The following SLC23A1 variants were observed in gnomAD, a reference collection of about 807,000 sequenced individuals.
SLC23A1 encodes Na(+)/L-ascorbic acid transporter 1.
SLC23A1 carries 31 observed loss-of-function variants against 62.5 expected under a neutral mutation model. The ratio of observed to expected loss-of-function variants is 0.50; its 90% CI spans 0.37 to 0.67. SLC23A1 has a LOEUF of 0.67. Ranked by LOEUF, SLC23A1 falls within the 30% of genes least tolerant of loss-of-function variation. The probability of loss-of-function intolerance (pLI) is 0.00; values close to 1 mark genes in which losing one functional copy is unlikely to be tolerated. For synonymous variants in SLC23A1, 271 were observed against 313.2 expected (o/e 0.87, Z 1.42); for missense variants, 640 against 782.7 (o/e 0.82, Z 2.18).
In SLC23A1 at chr5:139,379,652, A is replaced by G. The variant is rs759529430; in HGVS notation, c.925+26T>C. 8 of 1,589,614 alleles carry G rather than the reference A, an allele frequency of 5.0e-6. No homozygotes were observed. Among genetic ancestry groups the G allele is most frequent in the Non-Finnish European group, 6.9e-6 (8 of 1,165,288 alleles). ...CTCATAGGTGGTCTCAGTTGGGGGC[A>G]GAGGGGCCCAAGGGGTGTTGCTCAC... is the stretch of plus-strand genomic sequence containing the variant. On this transcript the variant is annotated intron_variant, in intron 8 of 14. Coordinates refer to ENST00000348729, the MANE Select transcript of SLC23A1 (RefSeq NM_005847.5). This position sits in a 1 kb window ranked among gnomAD's most constrained non-coding sequence, Gnocchi z 4.7.
In SLC23A1 at chr5:139,378,567, T is replaced by G; in HGVS notation, c.1179+12A>C. 1 of 1,572,544 alleles carries G rather than the reference T, an allele frequency of 6.4e-7. No homozygotes were observed. The highest frequency in any genetic ancestry group is 1.2e-5 in the South Asian group (1 of 85,912). On this transcript the variant is annotated intron_variant, in intron 10 of 14. Transcript: ENST00000348729. This position sits in a 1 kb window ranked among gnomAD's most constrained non-coding sequence, Gnocchi z 4.5. ...AATTAGGGCAGGATTTGGCTCTGGC[T>G]CGTCGCGACACCTTGGTAATTCCCA... is the stretch of plus-strand genomic sequence containing the variant.
rs762763454 is a variant in SLC23A1, at chr5:139,372,193, A to G, written c.1610T>C (p.Met537Thr). The change falls in exon 14 of 15, where the codon ATG becomes ACG. Residue 537 changes from methionine (M) to threonine (T), a missense_variant. By Grantham distance (81) the Met-to-Thr change is moderately conservative. Transcript: ENST00000348729. ...WKAGAHANSDMSSSLKSYDFP... is the reference protein window; with the variant it reads ...WKAGAHANSDTSSSLKSYDFP... Reference sequence around the variant, plus strand: ...ATCGTAGCTCTTGAGGCTGGAAGACATGTCACTGTTGGCATGAGCCCCAGC... The same window carrying G: ...ATCGTAGCTCTTGAGGCTGGAAGACGTGTCACTGTTGGCATGAGCCCCAGC... The G allele has an allele frequency of 2.2e-5, 36 of 1,613,368 alleles. 1 individual carries two copies. The Admixed American group carries it at 3.0e-4, about 13-fold the overall frequency.
At chr5:139,383,319 G>A (rs772627977), upstream of SLC23A1, 3 of 1,593,126 alleles carry the variant, frequency 1.9e-6, no homozygotes, top group African/African-American at 2.7e-5. Flanking sequence ...GGCCAAGGAG[G>A]AGGACTTTAC....
intron 1 of SLC23A1, 122 bp from the exon 2 acceptor site, chr5:139,382,727 C>T: frequency 1.5e-6 from 1 of 665,162 alleles, no homozygotes; most frequent in Non-Finnish European, 2.7e-6. Context: ...GGGTTCCCGC[C>T]CTCCCCAACA....
intron 3 of SLC23A1, among the ~76,000 whole-genome samples, chr5:139,381,153 A>T (rs1758237603): frequency 6.6e-6 from 1 of 152,184 alleles, no homozygotes; most frequent in South Asian, 2.1e-4. Flanking sequence ...ACCTGCCCGG[A>T]AGTGGACACC....
chr5:139,368,979 A>G (rs969896520), intron 14 of SLC23A1: 2 of 496,354 alleles, frequency 4.0e-6, no homozygotes, highest in Non-Finnish European at 7.3e-6. Context: ...AAGCTGTCAA[A>G]CATTTACTGA....
chr5:139,380,712 C>A, intron 4 of SLC23A1, 80 bp from the exon 5 acceptor site: 1 of 1,463,458 alleles, frequency 6.8e-7, no homozygotes, highest in South Asian at 1.1e-5. Context: ...TGGCTGCACC[C>A]TGGTGTTGAC....
Position 139,373,556 on chromosome 5 carries a change from G to C in SLC23A1, c.1550-1303C>G, listed in dbSNP as rs188545700. Among the ~76,000 whole-genome samples, 4 of 151,622 alleles carry C rather than the reference G, an allele frequency of 2.6e-5. No individual in the cohort carries two copies. The East Asian group carries it at 7.7e-4, about 29-fold the overall frequency. On this transcript the variant is annotated intron_variant, in intron 13 of 14. Transcript: ENST00000348729. ...GATCTCAGGTTTTCACAAGAGGGCT[G>C]GGATCGACAAAGACTGAAATACTAT... is the stretch of plus-strand genomic sequence containing the variant.
At chr5:139,372,488 C>T (rs1319238457) in intron 13 of SLC23A1, among the ~76,000 whole-genome samples, 1 of 152,196 alleles carries the variant, frequency 6.6e-6, no homozygotes, top group Non-Finnish European at 1.5e-5. Context: ...GTGTGCCAGG[C>T]TCTGTGCTAA....
At chr5:139,380,729 C>A in intron 4 of SLC23A1, 69 bp downstream of exon 4, 1 of 1,450,420 alleles carries the variant, frequency 6.9e-7, no homozygotes. Context: ...TGACCCGGGA[C>A]AGTTGCTCAG....
upstream of SLC23A1, among the ~76,000 whole-genome samples, chr5:139,383,767 A>G (rs1462123241): frequency 1.3e-5 from 2 of 152,238 alleles, no homozygotes; most frequent in Non-Finnish European, 2.9e-5. Context: ...GGGCGGTATT[A>G]ACCCCTTTAA....
rs1317385108 is a variant in SLC23A1, at chr5:139,367,619, T to C, written c.*32A>G. ...CCCATGTAGTTTTCTTTTCCTGTTA[T>C]ATACCATGCTTCCTGTGGGAATTAG... On this transcript the variant is annotated 3_prime_UTR_variant, in exon 15 of 15. Coordinates refer to ENST00000348729, the MANE Select transcript of SLC23A1 (RefSeq NM_005847.5). 3 of 152,218 alleles carry C rather than the reference T, an allele frequency of 2.0e-5. No homozygotes were observed. The East Asian group carries it at 5.8e-4, about 29-fold the overall frequency. 9.4% of individuals were successfully genotyped at this position (152,218 alleles called of 1,614,324 possible). A position where few individuals can be genotyped will look rare whatever the true frequency, so the allele number is the denominator to read the frequency against.
intron 13 of SLC23A1, among the ~76,000 whole-genome samples, chr5:139,373,493 A>G (rs1248993842): frequency 6.6e-6 from 1 of 152,152 alleles, no homozygotes; most frequent in Non-Finnish European, 1.5e-5. Context: ...AATTTTTACA[A>G]CTAGGAATTC....
intron 1 of SLC23A1, 29 bp downstream of exon 1, chr5:139,383,167 AGCCCCCCACCCCCCCTGCCCCC>A: frequency 4.0e-6 from 1 of 248,386 alleles, no homozygotes; most frequent in Non-Finnish European, 6.7e-6. Context: ...CAGGCCCTCC[AGCCCCCCACCCCCCCTGCCCCC>A]CCTAGCCCCC....
intron 13 of SLC23A1, among the ~76,000 whole-genome samples, chr5:139,372,601 T>A (rs1360140747): frequency 6.6e-6 from 1 of 152,192 alleles, no homozygotes; most frequent in Non-Finnish European, 1.5e-5. Context: ...TTATTTATTT[T>A]TTTGAGACAG....
Position 139,378,402 on chromosome 5 carries a change from G to A in SLC23A1, c.1180-51C>T. On this transcript the variant is annotated intron_variant, in intron 10 of 14. Coordinates refer to ENST00000348729, the MANE Select transcript of SLC23A1 (RefSeq NM_005847.5). This position sits in a 1 kb window ranked among gnomAD's most constrained non-coding sequence, Gnocchi z 4.5. ...AGACCTGGGGACGAGGCTGGGGCGG[G>A]GTTAGTTCCAGGGGCGGGGCCTGTT... 1 of 1,542,114 alleles carries A rather than the reference G, an allele frequency of 6.5e-7. No individual in the cohort carries two copies. The highest frequency in any genetic ancestry group is 8.8e-7 in the Non-Finnish European group (1 of 1,142,172).
At chr5:139,371,627 T>TC (rs1757674493) in intron 14 of SLC23A1, among the ~76,000 whole-genome samples, 1 of 152,260 alleles carries the variant, frequency 6.6e-6, no homozygotes, top group South Asian at 2.1e-4. Flanking sequence ...ATCAAAGTGA[T>TC]ACTTGTTTAG....
In SLC23A1 at chr5:139,382,681, C is replaced by T. The variant is rs79034137; in HGVS notation, c.37-76G>A. On this transcript the variant is annotated intron_variant, in intron 1 of 14. Coordinates refer to ENST00000348729, the MANE Select transcript of SLC23A1 (RefSeq NM_005847.5). ...AAATCCATTCTGCCCCAGAATCAATCAGGCAGCCCAAGTGGCTTGTCAGCA... is the reference window on the plus strand; with the variant it reads ...AAATCCATTCTGCCCCAGAATCAATTAGGCAGCCCAAGTGGCTTGTCAGCA... 4.4e-4 allele frequency: 412 copies of T among 930,508 alleles called. 3 individuals are homozygous for T. In the African/African-American group the frequency reaches 6.3e-3, roughly 14 times the overall value. 57.6% of individuals were successfully genotyped at this position (930,508 alleles called of 1,614,324 possible).
intron 6 of SLC23A1, 54 bp from the exon 7 acceptor site, chr5:139,380,130 A>G (rs1239162794): frequency 6.4e-7 from 1 of 1,573,592 alleles, no homozygotes; most frequent in Non-Finnish European, 8.6e-7. Context: ...TGGGGCCAGG[A>G]GCCGGGAAGA....
Sources: allele counts gnomAD v4.1 joint callset (sites outside exome capture counted in the v4.1 genomes callset), GRCh38; gene constraint gnomAD v4.1.1; non-coding constraint Gnocchi (gnomAD v3.1); transcripts MANE v1.5; gene names NCBI Gene and HGNC (gene_info 2026-07-23, HGNC 2026-07-21).